Variants in NRG1 observed in about 807,000 individuals in gnomAD.
NRG1 encodes neuregulin 1, also known as pro-neuregulin-1, membrane-bound isoform.
NRG1 carries 18 observed loss-of-function variants against 63.8 expected under a neutral mutation model. The observed-to-expected ratio is 0.28, with a 90% CI of 0.19 to 0.42. NRG1 has a LOEUF of 0.42. Ranked by LOEUF, NRG1 falls within the 10% of genes least tolerant of loss-of-function variation. The pLI, the probability that NRG1 is intolerant of heterozygous loss-of-function variation, is 1.00. For missense variants in NRG1, 762 were observed against 814.7 expected (o/e 0.94, Z 0.79); for synonymous variants, 302 against 301.3 (o/e 1.00, Z -0.02).
intron 1 of NRG1, among the ~76,000 whole-genome samples, chr8:32,246,546 C>G (rs1245435830): frequency 2.6e-5 from 4 of 152,128 alleles, no homozygotes. Context: ...TTTGTTAAGA[C>G]AAAGCACTAC....
chr8:31,689,501 C>A (rs1485063981), intron 1 of NRG1, among the ~76,000 whole-genome samples: 4 of 151,934 alleles, frequency 2.6e-5, no homozygotes, highest in African/African-American at 9.7e-5. Context: ...AGTGTAAAGC[C>A]CCCTTGTTTG....
chr8:31,701,187 A>G (rs1415726510), intron 1 of NRG1, among the ~76,000 whole-genome samples: 1 of 152,098 alleles, frequency 6.6e-6, no homozygotes, highest in African/African-American at 2.4e-5. Context: ...GTGTGGCTCA[A>G]CTGGGGGCAC....
intron 1 of NRG1, among the ~76,000 whole-genome samples, chr8:32,076,566 C>T (rs540187166): frequency 5.3e-5 from 8 of 151,976 alleles, no homozygotes; most frequent in Admixed American, 6.6e-5. Context: ...TGGGGTCTAT[C>T]GGAGGGTGGA....
At chr8:31,909,529 A>G (rs1172388527) in intron 1 of NRG1, among the ~76,000 whole-genome samples, 1 of 152,206 alleles carries the variant, frequency 6.6e-6, no homozygotes, top group African/African-American at 2.4e-5. Flanking sequence ...TTATGTAAAC[A>G]TGTAATTAAA....
At chr8:31,887,316 A>G (rs1478384948) in intron 1 of NRG1, among the ~76,000 whole-genome samples, 3 of 152,168 alleles carry the variant, frequency 2.0e-5, no homozygotes, top group African/African-American at 7.2e-5. Context: ...TCAGGCGCTC[A>G]ATAAATGCTC....
intron 1 of NRG1, among the ~76,000 whole-genome samples, chr8:32,540,608 A>G (rs1832484904): frequency 6.6e-6 from 1 of 152,208 alleles, no homozygotes; most frequent in African/African-American, 2.4e-5. Context: ...ATGGGATCAC[A>G]GAGACTTCAG....
chr8:32,560,496 A>G (rs1255025554), intron 1 of NRG1, among the ~76,000 whole-genome samples: 1 of 152,244 alleles, frequency 6.6e-6, no homozygotes, highest in East Asian at 1.9e-4. Flanking sequence ...AACTGACTGA[A>G]TGAGGAAGTA....
In NRG1 at chr8:32,044,927, AAAAACAC is replaced by A. The variant is rs1225685225; in HGVS notation, c.37+405498_37+405504del. Among the ~76,000 whole-genome samples the A allele has an allele frequency of 6.7e-5, 10 of 148,900 alleles. 1 individual carries two copies. In the East Asian group the frequency reaches 9.7e-4, roughly 15 times the overall value. On this transcript the variant is annotated intron_variant, in intron 1 of 10. Transcript: ENST00000519301. ...ATAAAGAAAAGCAAAAAAAAAAAAA[AAAAACAC>A]ACACACACAAAGCAATCAGAAGTAA...
At chr8:32,587,144 G>A (rs957041200) in intron 1 of NRG1, among the ~76,000 whole-genome samples, 9 of 152,078 alleles carry the variant, frequency 5.9e-5, no homozygotes, top group African/African-American at 2.2e-4. Context: ...AAGATTCTGA[G>A]GCTGCAGTAA....
chr8:32,044,732 C>CAA (rs35288996), intron 1 of NRG1, among the ~76,000 whole-genome samples: 2,857 of 148,626 alleles, frequency 0.019, 74 homozygotes, highest in African/African-American at 0.063. Context: ...GAAGAAGTGT[C>CAA]AAAAAAAAAT....
intron 1 of NRG1, among the ~76,000 whole-genome samples, chr8:32,348,830 T>A (rs564225264): frequency 6.6e-6 from 1 of 152,294 alleles, no homozygotes; most frequent in South Asian, 2.1e-4. Context: ...ATCCAGTTCA[T>A]ATGGTGCATT....
At chr8:32,057,874 C>A (rs1361275453) in intron 1 of NRG1, among the ~76,000 whole-genome samples, 1 of 152,074 alleles carries the variant, frequency 6.6e-6, no homozygotes, top group African/African-American at 2.4e-5. Context: ...CCTCAGGTTC[C>A]CAGTATTTAC....
intron 1 of NRG1, among the ~76,000 whole-genome samples, chr8:32,413,308 T>C (rs916313093): frequency 5.9e-5 from 9 of 152,214 alleles, no homozygotes; most frequent in African/African-American, 1.9e-4. Context: ...CAAGGACTAT[T>C]TATTTACTTG....
intron 4 of NRG1, 79 bp from the exon 5 acceptor site, chr8:32,616,756 C>G (rs1450830231): frequency 8.9e-7 from 1 of 1,124,754 alleles, no homozygotes; most frequent in African/African-American, 1.5e-5. Flanking sequence ...TAGGCGATAC[C>G]CAAGCCTGGC....
chr8:31,944,128 T>A (rs543205979), intron 1 of NRG1, among the ~76,000 whole-genome samples: 1 of 152,308 alleles, frequency 6.6e-6, no homozygotes, highest in East Asian at 1.9e-4. Context: ...TTCTTTTATA[T>A]GTGCTAATTC....
intron 1 of NRG1, among the ~76,000 whole-genome samples, chr8:31,873,612 T>C (rs557008566): frequency 6.4e-4 from 97 of 152,222 alleles, no homozygotes; most frequent in African/African-American, 2.1e-3. Context: ...TGGATTTTCA[T>C]AGGAAGAGAG....
Position 32,072,892 on chromosome 8 carries a change from G to A in NRG1, c.37+433461G>A, listed in dbSNP as rs548972565. ...TCAAGACTTTTGCCAAAGTTTTCTG[G>A]TCTTTGTTCACTTCTATTATTAACA... On this transcript the variant is annotated intron_variant, in intron 1 of 10. Coordinates refer to the NRG1 transcript ENST00000519301. Among the ~76,000 whole-genome samples the A allele has an allele frequency of 1.2e-4, 18 of 152,164 alleles. No individual in the cohort carries two copies. The South Asian group carries it at 3.7e-3, about 32-fold the overall frequency.
At chr8:31,683,280 G>T (rs1422875803) in intron 1 of NRG1, among the ~76,000 whole-genome samples, 2 of 152,044 alleles carry the variant, frequency 1.3e-5, no homozygotes, top group Non-Finnish European at 2.9e-5. Flanking sequence ...GTCAAAACTT[G>T]GATGCAACCA....
Position 32,122,656 on chromosome 8 carries a change from GGTACAT to G in NRG1, c.38-473169_38-473164del, listed in dbSNP as rs556608465. On this transcript the variant is annotated intron_variant, in intron 1 of 10. Transcript: ENST00000519301. The stretch of plus-strand genomic sequence containing the variant: ...ATTATTATTATACTTTAAGTTTTAG[GGTACAT>G]GTGCACAATGTGCAGGTTACTTACA... Among the ~76,000 whole-genome samples, 398 of 151,488 alleles carry G rather than the reference GGTACAT, an allele frequency of 2.6e-3. 1 individual carries two copies. Among genetic ancestry groups the G allele is most frequent in the African/African-American group, 9.2e-3 (382 of 41,328 alleles).
Sources: allele counts gnomAD v4.1 joint callset (sites outside exome capture counted in the v4.1 genomes callset), GRCh38; gene constraint gnomAD v4.1.1; transcripts MANE v1.5; gene names NCBI Gene and HGNC (gene_info 2026-07-23, HGNC 2026-07-21).